The following GALNTL6 variants were observed in gnomAD, a reference collection of about 807,000 sequenced individuals.
GALNTL6 encodes the protein polypeptide N-acetylgalactosaminyltransferase like 6.
GALNTL6 carries 46 observed loss-of-function variants against 73.7 expected under a neutral mutation model. That is an observed-to-expected ratio of 0.62 (90% CI 0.49 to 0.80). The LOEUF (loss-of-function observed/expected upper bound fraction) is 0.80, where lower values mean the gene tolerates loss of function less well. Among genes scored for constraint, GALNTL6 ranks in the 30% least tolerant of loss-of-function variants. The probability of loss-of-function intolerance (pLI) is 0.00; values close to 1 mark genes in which losing one functional copy is unlikely to be tolerated. For missense variants in GALNTL6, 604 were observed against 755.0 expected (o/e 0.80, Z 2.34); for synonymous variants, 259 against 263.7 (o/e 0.98, Z 0.17).
intron 2 of GALNTL6, among the ~76,000 whole-genome samples, chr4:171,932,438 A>G (rs149702539): frequency 7.2e-5 from 11 of 152,316 alleles, no homozygotes; most frequent in African/African-American, 2.4e-4. Context: ...TCAACTGTGA[A>G]CAGCTGCACA....
At chr4:172,345,190 C>A (rs1013405755) in intron 4 of GALNTL6, among the ~76,000 whole-genome samples, 6 of 151,434 alleles carry the variant, frequency 4.0e-5, no homozygotes, top group Non-Finnish European at 7.4e-5. Context: ...CAGTAAATGG[C>A]AAAGCTATCA....
chr4:172,953,633 C>G (rs1346253828), intron 10 of GALNTL6, among the ~76,000 whole-genome samples: 1 of 152,188 alleles, frequency 6.6e-6, no homozygotes, highest in Non-Finnish European at 1.5e-5. Flanking sequence ...TTCAGCAAGT[C>G]ACAGGTGCAC....
chr4:172,905,702 G>T (rs1746846852), intron 8 of GALNTL6, among the ~76,000 whole-genome samples: 1 of 148,544 alleles, frequency 6.7e-6, no homozygotes, highest in East Asian at 2.0e-4. Context: ...TGGTACATAA[G>T]CCACCAAAAA....
intron 5 of GALNTL6, among the ~76,000 whole-genome samples, chr4:172,407,715 A>G (rs1487270416): frequency 6.6e-6 from 1 of 152,048 alleles, no homozygotes; most frequent in Non-Finnish European, 1.5e-5. Context: ...GAATGATTAC[A>G]TTTGACTTTA....
At chr4:172,960,331 C>T (rs1276158130) in intron 10 of GALNTL6, among the ~76,000 whole-genome samples, 1 of 152,156 alleles carries the variant, frequency 6.6e-6, no homozygotes, top group Non-Finnish European at 1.5e-5. Flanking sequence ...AATTGCTGGG[C>T]AGGTTGGGGA....
chr4:172,110,681 T>C (rs150674850), intron 2 of GALNTL6, among the ~76,000 whole-genome samples: 2 of 152,288 alleles, frequency 1.3e-5, no homozygotes, highest in African/African-American at 4.8e-5. Context: ...AATAAATGCT[T>C]TCTATGCCGA....
At chr4:172,902,582 C>T (rs1026541997) in intron 8 of GALNTL6, among the ~76,000 whole-genome samples, 10 of 152,148 alleles carry the variant, frequency 6.6e-5, no homozygotes, top group African/African-American at 2.2e-4. Flanking sequence ...ATAGCCTCAG[C>T]AAGGCAGAAA....
At chr4:172,813,991 A>G (rs1471927899) in intron 7 of GALNTL6, among the ~76,000 whole-genome samples, 1 of 152,210 alleles carries the variant, frequency 6.6e-6, no homozygotes, top group South Asian at 2.1e-4. Context: ...GAAAATACAT[A>G]GAAAAGGAAG....
intron 5 of GALNTL6, among the ~76,000 whole-genome samples, chr4:172,584,603 A>C (rs993019232): frequency 6.6e-6 from 1 of 152,200 alleles, no homozygotes; most frequent in African/African-American, 2.4e-5. Flanking sequence ...TATTAGGAAG[A>C]CTTCCAAGTT....
intron 4 of GALNTL6, among the ~76,000 whole-genome samples, chr4:172,320,776 T>C (rs1301039179): frequency 3.3e-5 from 5 of 152,180 alleles, no homozygotes; most frequent in Non-Finnish European, 7.3e-5. Context: ...CAGCAGGATA[T>C]GGTCAGGAAA....
chr4:172,318,313 G>A (rs997595038), intron 4 of GALNTL6, among the ~76,000 whole-genome samples: 1 of 152,182 alleles, frequency 6.6e-6, no homozygotes, highest in Non-Finnish European at 1.5e-5. Context: ...TATGTCCCTA[G>A]TGAAACAAAA....
At chr4:172,619,011 A>G (rs949928120) in intron 5 of GALNTL6, among the ~76,000 whole-genome samples, 1 of 152,150 alleles carries the variant, frequency 6.6e-6, no homozygotes, top group African/African-American at 2.4e-5. Flanking sequence ...CATGAGCCAC[A>G]GCACCCGACC....
At chr4:172,765,138 A>C (rs1175820390) in intron 5 of GALNTL6, among the ~76,000 whole-genome samples, 1 of 152,188 alleles carries the variant, frequency 6.6e-6, no homozygotes, top group Non-Finnish European at 1.5e-5. Context: ...ACGGCACTTC[A>C]GGAGGATGTG....
chr4:171,854,948 C>T (rs1436206662), intron 2 of GALNTL6, among the ~76,000 whole-genome samples: 1 of 152,206 alleles, frequency 6.6e-6, no homozygotes. Flanking sequence ...AAGCTATGCT[C>T]TAGCTGAGAC....
At chr4:172,656,805 C>G (rs767157898) in intron 5 of GALNTL6, among the ~76,000 whole-genome samples, 4 of 152,186 alleles carry the variant, frequency 2.6e-5, no homozygotes, top group Non-Finnish European at 4.4e-5. Context: ...CTTTTGAAAA[C>G]TAGAGCAGAC....
intron 11 of GALNTL6, among the ~76,000 whole-genome samples, chr4:173,011,432 G>C (rs1752548236): frequency 6.6e-6 from 1 of 152,202 alleles, no homozygotes; most frequent in South Asian, 2.1e-4. Flanking sequence ...ATTTTGCCCA[G>C]ACCAATGTCC....
intron 5 of GALNTL6, among the ~76,000 whole-genome samples, chr4:172,727,033 T>A (rs1735856963): frequency 6.6e-6 from 1 of 152,194 alleles, no homozygotes; most frequent in South Asian, 2.1e-4. Flanking sequence ...CTTAATAAAC[T>A]GGAAAACTAT....
intron 2 of GALNTL6, among the ~76,000 whole-genome samples, chr4:172,085,838 C>G (rs1479170519): frequency 6.6e-6 from 1 of 152,018 alleles, no homozygotes; most frequent in East Asian, 1.9e-4. Context: ...GCACACACAG[C>G]TTTATAATTT....
At chr4:172,860,981 C>T (rs1421389875) in intron 7 of GALNTL6, among the ~76,000 whole-genome samples, 1 of 152,122 alleles carries the variant, frequency 6.6e-6, no homozygotes, top group Non-Finnish European at 1.5e-5. Flanking sequence ...CTATAAATGT[C>T]ACTCTGTCCA....
Sources: allele counts gnomAD v4.1 joint callset (sites outside exome capture counted in the v4.1 genomes callset), GRCh38; gene constraint gnomAD v4.1.1; transcripts MANE v1.5; gene names NCBI Gene and HGNC (gene_info 2026-07-23, HGNC 2026-07-21).